PCBD2: variants seen among roughly 807,000 people sequenced by gnomAD.
PCBD2 encodes pterin-4-alpha-carbinolamine dehydratase 2.
A neutral mutation model predicts 16.4 loss-of-function variants in PCBD2; 12 were observed. The ratio of observed to expected loss-of-function variants is 0.73; its 90% CI spans 0.47 to 1.19. PCBD2 has a LOEUF of 1.19. Among genes scored for constraint, PCBD2 ranks in the 50% most tolerant of loss-of-function variants. The probability of loss-of-function intolerance (pLI) is 0.00; values close to 1 mark genes in which losing one functional copy is unlikely to be tolerated. For synonymous variants in PCBD2, 58 were observed against 61.8 expected, an observed-to-expected ratio of 0.94 and a Z score of 0.29; for missense variants, 138 against 156.8, an observed-to-expected ratio of 0.88 and a Z score of 0.64.
chr5:134,932,526 G>A (rs1302881828), intron 2 of PCBD2, among the ~76,000 whole-genome samples: 1 of 152,022 alleles, frequency 6.6e-6, no homozygotes, highest in African/African-American at 2.4e-5. Flanking sequence ...ATTTTTAGTA[G>A]CAACATGGAT....
At chr5:134,945,523 A>G (rs1359110559) in intron 2 of PCBD2, among the ~76,000 whole-genome samples, 3 of 152,232 alleles carry the variant, frequency 2.0e-5, no homozygotes, top group African/African-American at 7.2e-5. Context: ...AAGATAATTT[A>G]TATAGAAATG....
chr5:134,953,045 G>C (rs1172054980), intron 2 of PCBD2, among the ~76,000 whole-genome samples: 1 of 146,362 alleles, frequency 6.8e-6, no homozygotes, highest in Non-Finnish European at 1.5e-5. Flanking sequence ...TTTTTTTTTT[G>C]CATTTGCTTA....
chr5:134,932,283 T>C (rs1295202964), intron 2 of PCBD2, among the ~76,000 whole-genome samples: 1 of 152,132 alleles, frequency 6.6e-6, no homozygotes, highest in East Asian at 1.9e-4. Context: ...GCTCAAGCGA[T>C]CCTCCTACCT....
intron 2 of PCBD2, among the ~76,000 whole-genome samples, chr5:134,935,612 T>G (rs1244548691): frequency 1.3e-5 from 2 of 152,230 alleles, no homozygotes; most frequent in African/African-American, 2.4e-5. Flanking sequence ...GTCCTCTCAT[T>G]TGACAAAGAA....
intron 2 of PCBD2, among the ~76,000 whole-genome samples, chr5:134,911,091 G>A (rs1190190541): frequency 2.0e-5 from 3 of 152,160 alleles, no homozygotes; most frequent in Non-Finnish European, 4.4e-5. Flanking sequence ...CCCAGCCTGA[G>A]CTTTTTATAC....
intron 1 of PCBD2, chr5:134,905,474 C>T (rs533447641): frequency 1.1e-5 from 4 of 356,692 alleles, no homozygotes; most frequent in Non-Finnish European, 2.0e-5. Flanking sequence ...AACTTGCCAA[C>T]CGGAAACAAA....
chr5:134,922,658 A>C (rs1750918525), intron 2 of PCBD2, among the ~76,000 whole-genome samples: 1 of 151,870 alleles, frequency 6.6e-6, no homozygotes, highest in South Asian at 2.1e-4. Flanking sequence ...GCCAGGAAGG[A>C]AAATCTTTTT....
At chr5:134,956,281 T>A (rs563207239) in intron 2 of PCBD2, among the ~76,000 whole-genome samples, 1 of 152,306 alleles carries the variant, frequency 6.6e-6, no homozygotes, top group Admixed American at 6.5e-5. Flanking sequence ...TTTTGATGTG[T>A]CATAAAAGTT....
chr5:134,917,971 C>T lies in PCBD2; in HGVS notation c.216+7505C>T, dbSNP rs576929108. 5.9e-5 allele frequency among the ~76,000 whole-genome samples: 9 copies of T among 152,284 alleles called. No homozygotes were observed. In the South Asian group the frequency reaches 1.9e-3, roughly 32 times the overall value. On this transcript the variant is annotated intron_variant, in intron 2 of 3. Transcript: ENST00000254908. ...TAGTGAAGTCAAAGGCTTGATGATACCAGAAGAAAGACAACTGCTGATGAA... is the reference window on the plus strand; with the variant it reads ...TAGTGAAGTCAAAGGCTTGATGATATCAGAAGAAAGACAACTGCTGATGAA...
intron 2 of PCBD2, among the ~76,000 whole-genome samples, chr5:134,945,949 A>T (rs1183419870): frequency 6.6e-6 from 1 of 152,138 alleles, no homozygotes; most frequent in Non-Finnish European, 1.5e-5. Context: ...GGATATAAGG[A>T]TACCACCCAC....
At chr5:134,928,612 A>T (rs928318123) in intron 2 of PCBD2, 5 of 189,474 alleles carry the variant, frequency 2.6e-5, no homozygotes, top group Non-Finnish European at 5.3e-5. Context: ...AGACAGGCAG[A>T]TCACGAGATC....
chr5:134,905,166 G>T lies in PCBD2; in HGVS notation c.27G>T (p.Gly9=). 1 of 1,223,370 alleles carries T rather than the reference G, an allele frequency of 8.2e-7. No individual in the cohort carries two copies. The highest frequency in any genetic ancestry group is 4.1e-5 in the South Asian group (1 of 24,288). 75.8% of individuals were successfully genotyped at this position (1,223,370 alleles called of 1,614,324 possible). A position where few individuals can be genotyped will look rare whatever the true frequency, so the allele number is the denominator to read the frequency against. The change falls in exon 1 of 4, where the codon GGG becomes GGT. Residue 9 remains glycine (G), a synonymous_variant. Coordinates refer to ENST00000254908, the MANE Select transcript of PCBD2 (RefSeq NM_032151.5). ...TGGCGGCGGTGCTCGGGGCGCTCGG[G>T]GCGACGCGGCGCTTGTTGGCGGCGC... MAAVLGAL[G]ATRRLLAALR...
At chr5:134,910,775 A>G (rs1750759614) in intron 2 of PCBD2, among the ~76,000 whole-genome samples, 1 of 152,138 alleles carries the variant, frequency 6.6e-6, no homozygotes, top group African/African-American at 2.4e-5. Context: ...ATTAAAAGAG[A>G]GTGTAAGCCT....
At chr5:134,908,438 G>C (rs891904176) in intron 1 of PCBD2, among the ~76,000 whole-genome samples, 3 of 152,062 alleles carry the variant, frequency 2.0e-5, no homozygotes. Context: ...GCTAAGGTGG[G>C]CGGATCCCTC....
At chr5:134,951,152 G>A (rs982975222) in intron 2 of PCBD2, among the ~76,000 whole-genome samples, 1 of 152,122 alleles carries the variant, frequency 6.6e-6, no homozygotes, top group Non-Finnish European at 1.5e-5. Flanking sequence ...CAACCATCCA[G>A]TTCCCACTCT....
chr5:134,932,405 G>A (rs1013377946), intron 2 of PCBD2, among the ~76,000 whole-genome samples: 3 of 151,804 alleles, frequency 2.0e-5, no homozygotes, highest in African/African-American at 4.8e-5. Context: ...GCAGTGGTGC[G>A]ATCTCAGCTC....
At chr5:134,917,420 G>A (rs867818981) in intron 2 of PCBD2, among the ~76,000 whole-genome samples, 4 of 152,220 alleles carry the variant, frequency 2.6e-5, no homozygotes, top group African/African-American at 9.6e-5. Context: ...GTGGCTGGGC[G>A]CTTGGGTGAA....
chr5:134,935,790 C>T (rs1294491653), intron 2 of PCBD2, among the ~76,000 whole-genome samples: 1 of 152,196 alleles, frequency 6.6e-6, no homozygotes, highest in Non-Finnish European at 1.5e-5. Flanking sequence ...TTGCAATTGG[C>T]TTGGCAGTCA....
At chr5:134,907,456 T>C (rs1750709863) in intron 1 of PCBD2, among the ~76,000 whole-genome samples, 1 of 151,992 alleles carries the variant, frequency 6.6e-6, no homozygotes. Context: ...TTGGCCAGGC[T>C]GGCCTCGAAC....
Sources: allele counts gnomAD v4.1 joint callset (sites outside exome capture counted in the v4.1 genomes callset), GRCh38; gene constraint gnomAD v4.1.1; transcripts MANE v1.5; gene names NCBI Gene and HGNC (gene_info 2026-07-23, HGNC 2026-07-21).